SP100: variants seen among roughly 807,000 people sequenced by gnomAD.
SP100 encodes the protein nuclear autoantigen Sp-100.
In SP100, 84 loss-of-function variants were observed where a neutral mutation model predicts 130.0. The ratio of observed to expected loss-of-function variants is 0.65; its 90% confidence interval spans 0.54 to 0.77. The LOEUF is 0.77. Among genes scored for constraint, SP100 ranks in the 30% least tolerant of loss-of-function variants. The pLI is 0.00. For synonymous variants in SP100, 331 were observed against 351.7 expected, an observed-to-expected ratio of 0.94 and a Z score of 0.66; for missense variants, 978 against 1,052.2, an observed-to-expected ratio of 0.93 and a Z score of 0.97.
At chr2:230,462,776 A>G (rs2064726755) in intron 10 of SP100, 5 of 452,382 alleles carry the variant, frequency 1.1e-5, no homozygotes, top group Non-Finnish European at 2.0e-5. Flanking sequence ...CATTGATTAT[A>G]TAGTAGGAAT....
chr2:230,478,859 C>T (rs1046361918), intron 17 of SP100, among the ~76,000 whole-genome samples: 4 of 152,022 alleles, frequency 2.6e-5, no homozygotes, highest in African/African-American at 7.3e-5. Context: ...CCAGCTCTGT[C>T]ACCCAGGCCA....
rs137986905 is a variant in SP100 at position 230,425,235 on chromosome 2, T to A, written c.107+7570T>A. ...TAACTATAGTTTCCATACTACACAT[T>A]AAATACCCAGAACTTATCCATCTTA... On this transcript the variant is annotated intron_variant, in intron 2 of 28. Coordinates refer to ENST00000340126, the MANE Select transcript of SP100 (RefSeq NM_001080391.2). Among the ~76,000 whole-genome samples the A allele has an allele frequency of 1.1e-3, 173 of 152,310 alleles. 1 individual carries two copies. Among genetic ancestry groups the A allele is most frequent in the African/African-American group, 3.9e-3 (164 of 41,558 alleles).
chr2:230,501,045 A>C (rs2434049), intron 19 of SP100, among the ~76,000 whole-genome samples: 152,171 of 152,180 alleles, frequency 1, 76,081 homozygotes, highest in Middle Eastern at 1. Flanking sequence ...GATTTAAGAC[A>C]AGCCTGGGCA....
chr2:230,498,975 A>T (rs1440316165), intron 19 of SP100, among the ~76,000 whole-genome samples: 3 of 152,118 alleles, frequency 2.0e-5, no homozygotes, highest in African/African-American at 7.2e-5. Context: ...GTTAGACAAG[A>T]CTGGCTGCCC....
intron 17 of SP100, 65 bp from the exon 18 acceptor site, chr2:230,494,351 A>C: frequency 8.2e-7 from 1 of 1,216,192 alleles, no homozygotes; most frequent in Non-Finnish European, 1.2e-6. Context: ...AACTATTGAC[A>C]TATAAAGTGT....
rs1335256631 is a variant in SP100, at chr2:230,506,287, T to C, written c.1871-16T>C. The C allele has an allele frequency of 1.2e-6, 2 of 1,612,994 alleles. No individual in the cohort carries two copies. The highest frequency in any genetic ancestry group is 2.2e-5 in the South Asian group (2 of 91,000). On this transcript the variant is annotated splice_polypyrimidine_tract_variant and intron_variant, in intron 21 of 28. Transcript: ENST00000340126. The stretch of plus-strand genomic sequence containing the variant: ...GTTTTCACAGTTGGGGAGCTCACTT[T>C]GCCTTGGTCTTACAGGAACCTCAAA...
At chr2:230,418,011 G>A (rs2062660655) in intron 2 of SP100, among the ~76,000 whole-genome samples, 1 of 151,892 alleles carries the variant, frequency 6.6e-6, no homozygotes, top group Non-Finnish European at 1.5e-5. Flanking sequence ...GACACCCTCT[G>A]TGAGCACTCT....
In SP100 at chr2:230,452,369, G is replaced by T. The variant is rs567245656; in HGVS notation, c.820+2114G>T. 4.6e-5 allele frequency among the ~76,000 whole-genome samples: 7 copies of T among 152,120 alleles called. No homozygotes were observed. In the East Asian group the frequency reaches 1.4e-3, roughly 29 times the overall value. On this transcript the variant is annotated intron_variant, in intron 8 of 28. Coordinates refer to ENST00000340126, the MANE Select transcript of SP100 (RefSeq NM_001080391.2). The stretch of plus-strand genomic sequence containing the variant: ...ATTTTTTGTATTTAGTAGAGACAAG[G>T]TTTCACCATGTTGGTCGGGCTGGTC...
At chr2:230,479,957 C>T (rs1426890021) in intron 17 of SP100, among the ~76,000 whole-genome samples, 1 of 152,220 alleles carries the variant, frequency 6.6e-6, no homozygotes, top group Non-Finnish European at 1.5e-5. Context: ...TACTCTCTGA[C>T]TTTTTGTCAG....
At chr2:230,489,387 T>C (rs2066277999) in intron 17 of SP100, among the ~76,000 whole-genome samples, 1 of 152,190 alleles carries the variant, frequency 6.6e-6, no homozygotes, top group South Asian at 2.1e-4. Context: ...TCTTTTTTTA[T>C]TGTGTCTATT....
intron 24 of SP100, among the ~76,000 whole-genome samples, chr2:230,513,924 A>G (rs1690758538): frequency 6.6e-6 from 1 of 152,278 alleles, no homozygotes; most frequent in South Asian, 2.1e-4. Context: ...GCACCAACCT[A>G]ATATTATAAT....
At position 230,420,631 on chromosome 2, in the gene SP100, A is replaced by C. The variant is rs548461858; in HGVS notation, c.107+2966A>C. On this transcript the variant is annotated intron_variant, in intron 2 of 28. Coordinates refer to ENST00000340126, the MANE Select transcript of SP100 (RefSeq NM_001080391.2). ...ATATTTATCAAAATGCCTACTAAAG[A>C]ATCTTTGAGAATTGTATCATTTTTC... Among the ~76,000 whole-genome samples, 3 of 152,280 alleles carry C rather than the reference A, an allele frequency of 2.0e-5. No individual in the cohort carries two copies. In the South Asian group the frequency reaches 6.2e-4, roughly 32 times the overall value.
At chr2:230,418,988 G>C (rs1314498534) in intron 2 of SP100, among the ~76,000 whole-genome samples, 1 of 152,148 alleles carries the variant, frequency 6.6e-6, no homozygotes, top group African/African-American at 2.4e-5. Context: ...AAATCAATTT[G>C]AAGAGAATGG....
chr2:230,473,629 C>T (rs1300783969), intron 16 of SP100, among the ~76,000 whole-genome samples, 189 bp downstream of exon 16: 5 of 152,224 alleles, frequency 3.3e-5, no homozygotes, highest in Non-Finnish European at 5.9e-5. Flanking sequence ...CGGTTTCCTG[C>T]TGCACTTGAC....
chr2:230,468,290 A>C (rs1464447095), intron 13 of SP100, among the ~76,000 whole-genome samples: 3 of 152,234 alleles, frequency 2.0e-5, no homozygotes, highest in African/African-American at 7.2e-5. Context: ...ATGTTTTATT[A>C]TTTTAGAAAG....
At chr2:230,491,933 CA>C (rs2066413786) in intron 17 of SP100, among the ~76,000 whole-genome samples, 3 of 152,206 alleles carry the variant, frequency 2.0e-5, no homozygotes, top group African/African-American at 4.8e-5. Context: ...AGCCCACACT[CA>C]TTTCCTATTT....
At position 230,543,214 on chromosome 2, in the gene SP100, C is replaced by A; in HGVS notation, c.*268C>A. On this transcript the variant is annotated 3_prime_UTR_variant, in exon 29 of 29. Transcript: ENST00000340126. ...CCCACAGACAACATTATATGGAATGCGCAAAAGAAGCATTCCCCTTGAAAA... is the reference window on the plus strand; with the variant it reads ...CCCACAGACAACATTATATGGAATGAGCAAAAGAAGCATTCCCCTTGAAAA... 8.5e-6 allele frequency: 2 copies of A among 234,250 alleles called. No individual in the cohort carries two copies. Among genetic ancestry groups the A allele is most frequent in the Non-Finnish European group, 1.7e-5 (2 of 120,294 alleles). 14.5% of individuals were successfully genotyped at this position (234,250 alleles called of 1,614,324 possible). A position where few individuals can be genotyped will look rare whatever the true frequency, so the allele number is the denominator to read the frequency against.
intron 4 of SP100, among the ~76,000 whole-genome samples, chr2:230,444,762 G>A (rs1487459323): frequency 1.3e-5 from 2 of 152,194 alleles, no homozygotes; most frequent in African/African-American, 2.4e-5. Context: ...CCACATGCCT[G>A]TGGGAGTGTA....
intron 19 of SP100, among the ~76,000 whole-genome samples, chr2:230,501,155 T>C (rs1479316674): frequency 6.6e-6 from 1 of 151,828 alleles, no homozygotes; most frequent in Non-Finnish European, 1.5e-5. Context: ...GGAAGGAAAA[T>C]CACTTGAACC....
Sources: gnomAD v4.1 joint callset for allele counts (sites outside exome capture counted in the v4.1 genomes callset) on GRCh38, gnomAD v4.1.1 for gene constraint, MANE v1.5 for transcripts, NCBI Gene and HGNC (gene_info 2026-07-23, HGNC 2026-07-21) for gene names.